PKIA: variants seen among roughly 807,000 people sequenced by gnomAD.
PKIA encodes cAMP-dependent protein kinase inhibitor alpha.
Under a neutral mutation model 7.6 loss-of-function variants are expected in PKIA, and 4 were observed. The observed-to-expected ratio is 0.52, with a 90% CI of 0.26 to 1.20. The LOEUF (loss-of-function observed/expected upper bound fraction) is 1.20, where lower values mean the gene tolerates loss of function less well. PKIA is among the 50% of genes most tolerant of loss of function. The pLI is 0.13. For synonymous variants in PKIA, 21 were observed against 30.7 expected, an observed-to-expected ratio of 0.68 and a Z score of 1.04; for missense variants, 73 against 86.2, an observed-to-expected ratio of 0.85 and a Z score of 0.61.
chr8:78,572,730 C>T (rs1322562568), intron 1 of PKIA, 81 bp from the exon 2 acceptor site: 1 of 152,022 alleles, frequency 6.6e-6, no homozygotes, highest in African/African-American at 2.4e-5. Flanking sequence ...ATGACGGATG[C>T]TTGAACATTT....
At chr8:78,586,075 T>G (rs1807943873) in intron 2 of PKIA, among the ~76,000 whole-genome samples, 1 of 152,108 alleles carries the variant, frequency 6.6e-6, no homozygotes, top group Non-Finnish European at 1.5e-5. Flanking sequence ...CAGGCAGTCT[T>G]CTCCACTGCA....
intron 1 of PKIA, among the ~76,000 whole-genome samples, chr8:78,543,386 T>C (rs1806744067): frequency 6.6e-6 from 1 of 152,202 alleles, no homozygotes; most frequent in Non-Finnish European, 1.5e-5. Context: ...GTCTTACATA[T>C]TATTTCACCA....
intron 3 of PKIA, among the ~76,000 whole-genome samples, chr8:78,599,767 T>C (rs1808311595): frequency 6.6e-6 from 1 of 151,980 alleles, no homozygotes; most frequent in Non-Finnish European, 1.5e-5. Flanking sequence ...ATTTATATTT[T>C]ATTTTTCATA....
At chr8:78,597,571 C>T (rs1808254114) in intron 2 of PKIA, among the ~76,000 whole-genome samples, 1 of 151,894 alleles carries the variant, frequency 6.6e-6, no homozygotes, top group Admixed American at 6.6e-5. Flanking sequence ...GGATGAACCA[C>T]TTTTTACTTA....
intron 1 of PKIA, among the ~76,000 whole-genome samples, chr8:78,533,299 A>G (rs1174373678): frequency 3.9e-5 from 6 of 152,170 alleles, no homozygotes; most frequent in Non-Finnish European, 7.4e-5. Context: ...TATCTTAATC[A>G]GCAGATAATT....
At chr8:78,600,501 A>G (rs1264030244) in intron 3 of PKIA, among the ~76,000 whole-genome samples, 1 of 152,074 alleles carries the variant, frequency 6.6e-6, no homozygotes, top group South Asian at 2.1e-4. Flanking sequence ...TATTTATACA[A>G]TCACTTTCAT....
chr8:78,519,341 G>A (rs1284382557), intron 1 of PKIA, among the ~76,000 whole-genome samples: 1 of 152,156 alleles, frequency 6.6e-6, no homozygotes, highest in Non-Finnish European at 1.5e-5. Context: ...TTGAGGCTGA[G>A]GCAGGAGGAT....
rs1296066978 is a variant in PKIA, at chr8:78,603,114, A to G, written c.*1293A>G. The G allele has an allele frequency of 6.6e-6, 1 of 152,430 alleles. No homozygotes were observed. The highest frequency in any genetic ancestry group is 1.5e-5 in the Non-Finnish European group (1 of 67,946). The allele number at this position is 152,430 out of a possible 1,614,324, so 9.4% of individuals were successfully genotyped here. On this transcript the variant is annotated 3_prime_UTR_variant, in exon 4 of 4. Transcript: ENST00000396418. The stretch of plus-strand genomic sequence containing the variant: ...TGTTTGATGGCCTCTGCTGTGTTTT[A>G]ACATCGTGCTTCTTATATGGAAAGT...
At chr8:78,540,469 GC>G (rs1169546148) in intron 1 of PKIA, among the ~76,000 whole-genome samples, 1 of 152,048 alleles carries the variant, frequency 6.6e-6, no homozygotes, top group Non-Finnish European at 1.5e-5. Flanking sequence ...ACAAATTGGG[GC>G]AGTTCAAAGC....
rs750044462 is a variant in PKIA at position 78,601,730 on chromosome 8, T to A, written c.152-12T>A. ...ATTTTGCCTTTATTCTGTTTTCGTT[T>A]TTCTTTTGCAGAAGGTGAAGAAGAT... On this transcript the variant is annotated splice_polypyrimidine_tract_variant and intron_variant, in intron 3 of 3. Transcript: ENST00000396418. The A allele has an allele frequency of 3.1e-6, 5 of 1,607,620 alleles. No homozygotes were observed. The highest frequency in any genetic ancestry group is 4.3e-6 in the Non-Finnish European group (5 of 1,175,300).
chr8:78,577,084 G>GA (rs1807691491), intron 2 of PKIA, among the ~76,000 whole-genome samples: 1 of 151,980 alleles, frequency 6.6e-6, no homozygotes, highest in South Asian at 2.1e-4. Flanking sequence ...TTCAAAAGGA[G>GA]AAAATCAAAT....
At position 78,601,696 on chromosome 8, in the gene PKIA, A is replaced by G. The variant is rs550974317; in HGVS notation, c.152-46A>G. On this transcript the variant is annotated intron_variant, in intron 3 of 3. Transcript: ENST00000396418. ...TATTGACAGTTGGTAAATAAAAGCAATCATTTTTATTTTGCCTTTATTCTG... is the reference window on the plus strand; with the variant it reads ...TATTGACAGTTGGTAAATAAAAGCAGTCATTTTTATTTTGCCTTTATTCTG... The G allele has an allele frequency of 1.1e-5, 15 of 1,407,954 alleles. No homozygotes were observed. In the South Asian group the frequency reaches 1.4e-4, roughly 13 times the overall value. 87.2% of individuals were successfully genotyped at this position (1,407,954 alleles called of 1,614,324 possible). A position where few individuals can be genotyped will look rare whatever the true frequency, so the allele number is the denominator to read the frequency against.
intron 1 of PKIA, among the ~76,000 whole-genome samples, chr8:78,537,886 T>C (rs1806573303): frequency 1.3e-5 from 2 of 152,098 alleles, no homozygotes; most frequent in East Asian, 1.9e-4. Flanking sequence ...CTCTTCATGT[T>C]TTCTTGCTTT....
intron 2 of PKIA, among the ~76,000 whole-genome samples, chr8:78,583,808 G>A (rs1029073356): frequency 3.1e-4 from 47 of 152,022 alleles, no homozygotes; most frequent in African/African-American, 1.1e-3. Context: ...TTCCATTATC[G>A]GAACGGTAAG....
intron 2 of PKIA, chr8:78,591,274 C>T (rs961513715): frequency 6.6e-6 from 1 of 152,584 alleles, no homozygotes; most frequent in African/African-American, 2.4e-5. Context: ...GTTTGTTTAA[C>T]GTAGGAGACG....
Position 78,573,380 on chromosome 8 carries a change from A to G in PKIA, c.-28+441A>G, listed in dbSNP as rs147336352. On this transcript the variant is annotated intron_variant, in intron 2 of 3. Transcript: ENST00000396418. ...ATGTAAGGAAGTTGTTTTGGTTCCT[A>G]TGGGGCACTTCTCATCTTGGTCTTG... Among the ~76,000 whole-genome samples, 591 of 152,098 alleles carry G rather than the reference A, an allele frequency of 3.9e-3. 5 individuals are homozygous for G. The highest frequency in any genetic ancestry group is 0.013 in the African/African-American group (539 of 41,524).
At chr8:78,549,588 C>T (rs1806928746) in intron 1 of PKIA, among the ~76,000 whole-genome samples, 1 of 151,644 alleles carries the variant, frequency 6.6e-6, no homozygotes, top group Admixed American at 6.6e-5. Flanking sequence ...CAAGACTGCC[C>T]ATGAAGCCAA....
chr8:78,571,540 C>T (rs1807547881), intron 1 of PKIA, among the ~76,000 whole-genome samples: 1 of 152,118 alleles, frequency 6.6e-6, no homozygotes, highest in Non-Finnish European at 1.5e-5. Context: ...CTTCGACTTT[C>T]TCACCCACTG....
At chr8:78,538,353 G>A (rs1428409049) in intron 1 of PKIA, among the ~76,000 whole-genome samples, 3 of 151,964 alleles carry the variant, frequency 2.0e-5, no homozygotes, top group Non-Finnish European at 4.4e-5. Flanking sequence ...AGTTATCCTG[G>A]GGAAATATGA....
Sources: allele counts gnomAD v4.1 joint callset (sites outside exome capture counted in the v4.1 genomes callset), GRCh38; gene constraint gnomAD v4.1.1; transcripts MANE v1.5; gene names NCBI Gene and HGNC (gene_info 2026-07-23, HGNC 2026-07-21).